Variants in SH2D5 observed in about 807,000 individuals in gnomAD.
The protein encoded by SH2D5 is SH2 domain-containing protein 5.
Under a neutral mutation model 48.2 loss-of-function variants are expected in SH2D5, and 45 were observed. That is an observed-to-expected ratio of 0.93 (90% CI 0.73 to 1.20). SH2D5 has a LOEUF of 1.20. SH2D5 is among the 50% of genes most tolerant of loss of function. SH2D5 has a pLI of 0.00. For missense variants in SH2D5, 538 were observed against 584.1 expected (o/e 0.92, Z 0.81); for synonymous variants, 230 against 249.8 (o/e 0.92, Z 0.75).
In SH2D5 at chr1:20,721,968, C is replaced by T; in HGVS notation, c.1096G>A (p.Glu366Lys). Residue 366 changes from glutamate (E) to lysine (K), a missense_variant, in exon 10 of 10, where the codon GAG becomes AAG. Transcript: ENST00000444387. ...EHLPAEFPSLEALVENHAVTE... is the reference protein window; with the variant it reads ...EHLPAEFPSLKALVENHAVTE... ...ACCGCGTGGTTCTCCACCAGAGCCTCCAGGCTGGGGAACTCTGCCGGCAGG... is the reference window on the plus strand; with the variant it reads ...ACCGCGTGGTTCTCCACCAGAGCCTTCAGGCTGGGGAACTCTGCCGGCAGG... The T allele has an allele frequency of 1.9e-6, 3 of 1,612,994 alleles. No homozygotes were observed. The highest frequency in any genetic ancestry group is 2.5e-6 in the Non-Finnish European group (3 of 1,179,908).
In SH2D5 at chr1:20,721,996, C is replaced by G; in HGVS notation, c.1069-1G>C. The G allele has an allele frequency of 6.2e-7, 1 of 1,612,068 alleles. No individual in the cohort carries two copies. The highest frequency in any genetic ancestry group is 1.1e-5 in the South Asian group (1 of 90,974). The stretch of plus-strand genomic sequence containing the variant: ...GGCTGGGGAACTCTGCCGGCAGGTG[C>G]TAGGGGAGGAAGGGACTTCAGCTCC... On this transcript the variant is annotated splice_acceptor_variant, in intron 9 of 9. Coordinates refer to ENST00000444387, the MANE Select transcript of SH2D5 (RefSeq NM_001103161.2). LOFTEE classifies it high-confidence loss of function.
Position 20,725,443 on chromosome 1 carries a change from C to G in SH2D5, c.390+477G>C, listed in dbSNP as rs139362085. ...CCCCGACCGCTCTGGGCCAAGCACTCTCTCAAGACCTGGACCCAGACTCGG... is the reference window on the plus strand; with the variant it reads ...CCCCGACCGCTCTGGGCCAAGCACTGTCTCAAGACCTGGACCCAGACTCGG... On this transcript the variant is annotated intron_variant, in intron 5 of 9. Coordinates refer to ENST00000444387, the MANE Select transcript of SH2D5 (RefSeq NM_001103161.2). Among the ~76,000 whole-genome samples the G allele has an allele frequency of 8.0e-3, 1,216 of 152,328 alleles. 9 individuals are homozygous for G. Among genetic ancestry groups the G allele is most frequent in the Middle Eastern group, 0.014 (4 of 294 alleles).
At chr1:20,730,311 G>C (rs879438149) in intron 1 of SH2D5, among the ~76,000 whole-genome samples, 21 of 27,718 alleles carry the variant, frequency 7.6e-4, no homozygotes, top group East Asian at 3.0e-3. Flanking sequence ...CTGCTCGGGG[G>C]GGGGGGGGAC....
Position 20,721,882 on chromosome 1 carries a change from C to T in SH2D5, c.1182G>A (p.Glu394=), listed in dbSNP as rs776621062. The T allele has an allele frequency of 9.3e-6, 15 of 1,612,956 alleles. No individual in the cohort carries two copies. The highest frequency in any genetic ancestry group is 1.1e-5 in the Non-Finnish European group (13 of 1,179,948). ...DMGRLNPTYE[E]QDCGPPGRPP... Reference sequence around the variant, plus strand: ...GCCTGCCTGGGGGCCCACAGTCCTGCTCCTCGTAGGTGGGGTTCAGGCGGC... The same window carrying T: ...GCCTGCCTGGGGGCCCACAGTCCTGTTCCTCGTAGGTGGGGTTCAGGCGGC... The change falls in exon 10 of 10, where the codon GAG becomes GAA. Residue 394 remains glutamate (E), a synonymous_variant. Transcript: ENST00000444387.
chr1:20,723,267 G>GA (rs770502874), intron 8 of SH2D5, among the ~76,000 whole-genome samples: 103 of 152,348 alleles, frequency 6.8e-4, no homozygotes, highest in African/African-American at 2.3e-3. Context: ...GAAGCTTTTA[G>GA]AAGCTTAGAA....
chr1:20,727,249 C>A (rs946998449), intron 3 of SH2D5, among the ~76,000 whole-genome samples, 174 bp from the exon 4 acceptor site: 2 of 152,106 alleles, frequency 1.3e-5, no homozygotes, highest in African/African-American at 4.8e-5. Context: ...TGGCTCCTGG[C>A]AGATGACCCC....
At chr1:20,722,154 C>G (rs2054699778) in intron 9 of SH2D5, among the ~76,000 whole-genome samples, 159 bp from the exon 10 acceptor site, 1 of 152,230 alleles carries the variant, frequency 6.6e-6, no homozygotes, top group Non-Finnish European at 1.5e-5. Flanking sequence ...ACCATTCCCT[C>G]TCTCTCTTCC....
rs1219540015 is a variant in SH2D5, at chr1:20,732,588, G to A, written c.-450C>T. On this transcript the variant is annotated 5_prime_UTR_variant, in exon 1 of 10. Coordinates refer to ENST00000444387, the MANE Select transcript of SH2D5 (RefSeq NM_001103161.2). This position sits in a 1 kb window ranked among gnomAD's most constrained non-coding sequence, Gnocchi z 5.1. The stretch of plus-strand genomic sequence containing the variant: ...GTCTCCGTTCCCAGTGTGAAGGATC[G>A]AGCCTGGCTCGGAGGAGGCGCTCAG... 3.9e-5 allele frequency: 6 copies of A among 152,278 alleles called. No individual in the cohort carries two copies. The highest frequency in any genetic ancestry group is 8.8e-5 in the Non-Finnish European group (6 of 68,082). 9.4% of individuals were successfully genotyped at this position (152,278 alleles called of 1,614,324 possible). A position where few individuals can be genotyped will look rare whatever the true frequency, so the allele number is the denominator to read the frequency against.
chr1:20,724,133 T>C lies in SH2D5; in HGVS notation c.749A>G (p.Tyr250Cys), dbSNP rs1015162221. 10 of 1,612,916 alleles carry C rather than the reference T, an allele frequency of 6.2e-6. No homozygotes were observed. The highest frequency in any genetic ancestry group is 8.5e-6 in the Non-Finnish European group (10 of 1,179,890). The change falls in exon 7 of 10, where the codon TAC becomes TGC. Residue 250 changes from tyrosine to cysteine, a missense_variant. Tyr to Cys is a radical substitution (Grantham distance 194, BLOSUM62 -2). Transcript: ENST00000444387. ...CTGGGTCTCATAGGTGCAGCCGCGG[T>C]AGGCCCCCGAGCGGATCACCTTGCT... ...IRSKVIRSGA[Y>C]RGCTYETQLQ...
chr1:20,728,109 G>A lies in SH2D5; in HGVS notation c.-42-23C>T. On this transcript the variant is annotated intron_variant, in intron 1 of 9. Coordinates refer to ENST00000444387, the MANE Select transcript of SH2D5 (RefSeq NM_001103161.2). The surrounding 1 kb of genome is among the most constrained non-coding windows in gnomAD (Gnocchi z 4.3). ...AGGCTGCAAAGGGCAGGGGGGGAAG[G>A]GCTGCTTTCGAGGCAGGCAAGCCAC... The A allele has an allele frequency of 8.2e-7, 1 of 1,219,826 alleles. No homozygotes were observed. The highest frequency in any genetic ancestry group is 1.2e-6 in the Non-Finnish European group (1 of 868,452). The allele number at this position is 1,219,826 out of a possible 1,614,324, so 75.6% of individuals were successfully genotyped here.
At position 20,729,211 on chromosome 1, in the gene SH2D5, T is replaced by G. The variant is rs955737023; in HGVS notation, c.-42-1125A>C. Among the ~76,000 whole-genome samples the G allele has an allele frequency of 6.6e-6, 1 of 152,290 alleles. No homozygotes were observed. Among genetic ancestry groups the G allele is most frequent in the East Asian group, 1.9e-4 (1 of 5,164 alleles). The stretch of plus-strand genomic sequence containing the variant: ...GTGGAATTAACATATCATGGCCCCA[T>G]GATTCCAAGAAAGAATGGCTAAATG... On this transcript the variant is annotated intron_variant, in intron 1 of 9. Coordinates refer to ENST00000444387, the MANE Select transcript of SH2D5 (RefSeq NM_001103161.2). The surrounding 1 kb of genome is among the most constrained non-coding windows in gnomAD (Gnocchi z 4.2).
At chr1:20,726,921 C>T (rs2054811969) in intron 4 of SH2D5, 80 bp downstream of exon 4, 6 of 1,250,144 alleles carry the variant, frequency 4.8e-6, no homozygotes, top group East Asian at 5.4e-5. Flanking sequence ...AGGCCAGGAC[C>T]TAGGCAGAGG....
In SH2D5 at chr1:20,732,407, T is replaced by G. The variant is rs1570516336; in HGVS notation, c.-269A>C. On this transcript the variant is annotated 5_prime_UTR_variant, in exon 1 of 10. Transcript: ENST00000444387. The surrounding 1 kb of genome is among the most constrained non-coding windows in gnomAD (Gnocchi z 5.1). The stretch of plus-strand genomic sequence containing the variant: ...GCCCCTCCCCTCTCTGGCTGGCTCC[T>G]CCGCGTCATCCGAGCCGCGGCTACC... 6.6e-6 allele frequency: 1 copy of G among 152,528 alleles called. No homozygotes were observed. The highest frequency in any genetic ancestry group is 2.1e-4 in the South Asian group (1 of 4,832). 9.4% of individuals were successfully genotyped at this position (152,528 alleles called of 1,614,324 possible).
chr1:20,727,174 C>T, intron 3 of SH2D5, 99 bp from the exon 4 acceptor site: 1 of 1,017,758 alleles, frequency 9.8e-7, no homozygotes. Flanking sequence ...TCAGCCCACT[C>T]CACCACCCCT....
intron 2 of SH2D5, 66 bp downstream of exon 2, chr1:20,727,892 A>G (rs1557619334): frequency 2.3e-6 from 3 of 1,284,436 alleles, no homozygotes; most frequent in Non-Finnish European, 2.2e-6. Flanking sequence ...GCACTTCCCA[A>G]TCACCAGCGC....
chr1:20,730,050 G>A (rs1223446857), intron 1 of SH2D5, among the ~76,000 whole-genome samples: 2 of 152,196 alleles, frequency 1.3e-5, no homozygotes, highest in Admixed American at 6.5e-5. Context: ...GTAAGGAGGT[G>A]GGGAGGGGGG....
chr1:20,722,147 A>G, intron 9 of SH2D5, 152 bp from the exon 10 acceptor site: 2 of 679,150 alleles, frequency 2.9e-6, no homozygotes, highest in South Asian at 2.0e-5. Context: ...GCCAAACACC[A>G]TTCCCTCTCT....
chr1:20,723,875 G>A (rs902725968), intron 7 of SH2D5, 141 bp from the exon 8 acceptor site: 9 of 980,414 alleles, frequency 9.2e-6, no homozygotes, highest in East Asian at 5.2e-5. Flanking sequence ...CGGGCCTTCC[G>A]CCCGACAGTT....
chr1:20,727,860 G>A (rs2054832712), intron 2 of SH2D5, 98 bp downstream of exon 2: 1 of 1,047,776 alleles, frequency 9.5e-7, no homozygotes, highest in African/African-American at 1.6e-5. Context: ...AGAAAGAGGT[G>A]GAAATAGGTC....
Sources: gnomAD v4.1 joint callset for allele counts (sites outside exome capture counted in the v4.1 genomes callset) on GRCh38, gnomAD v4.1.1 for gene constraint, Gnocchi (gnomAD v3.1) non-coding constraint, MANE v1.5 for transcripts, NCBI Gene and HGNC (gene_info 2026-07-23, HGNC 2026-07-21) for gene names.